The following MEIKIN variants were observed in gnomAD, a reference collection of about 807,000 sequenced individuals.
MEIKIN encodes meiosis-specific kinetochore protein.
intron 4 of MEIKIN, among the ~76,000 whole-genome samples, chr5:131,942,255 C>A (rs1008707656): frequency 6.6e-6 from 1 of 152,208 alleles, no homozygotes; most frequent in Non-Finnish European, 1.5e-5. Context: ...TTACTCAATA[C>A]ATAATGCTCA....
At chr5:131,831,693 G>A (rs1749717905) in intron 11 of MEIKIN, among the ~76,000 whole-genome samples, 1 of 152,158 alleles carries the variant, frequency 6.6e-6, no homozygotes, top group African/African-American at 2.4e-5. Flanking sequence ...ACATACCCGA[G>A]ACTGGGAAGA....
chr5:131,914,600 GGGA>G (rs1751385424), intron 7 of MEIKIN, among the ~76,000 whole-genome samples: 1 of 70,290 alleles, frequency 1.4e-5, no homozygotes, highest in African/African-American at 7.5e-5. Flanking sequence ...GGGAAGGGAA[GGGA>G]AGGGAAGGAA....
At chr5:131,822,605 T>C (rs2149603842) in intron 11 of MEIKIN, among the ~76,000 whole-genome samples, 1 of 152,344 alleles carries the variant, frequency 6.6e-6, no homozygotes, top group Non-Finnish European at 1.5e-5. Context: ...TTTTTAACTT[T>C]TTGTTTTTTC....
At position 131,856,476 on chromosome 5, in the gene MEIKIN, A is replaced by G. The variant is rs113390905; in HGVS notation, c.775-1642T>C. 6.1e-3 allele frequency among the ~76,000 whole-genome samples: 932 copies of G among 152,306 alleles called. 7 individuals are homozygous for G. Among genetic ancestry groups the G allele is most frequent in the African/African-American group, 0.021 (883 of 41,570 alleles). ...CATCTTTTCAAGCAGCCCCCAGCCA[A>G]TGTCTGGGCATAACAGTCCAACACA... On this transcript the variant is annotated intron_variant, in intron 9 of 12. Coordinates refer to ENST00000442687, the MANE Select transcript of MEIKIN (RefSeq NM_001303622.2).
chr5:131,820,687 G>A (rs947902415), intron 11 of MEIKIN, among the ~76,000 whole-genome samples: 19 of 152,016 alleles, frequency 1.2e-4, no homozygotes, highest in Non-Finnish European at 1.3e-4. Flanking sequence ...TTATGGCTTC[G>A]GTCACATTAC....
chr5:131,884,569 CTG>C (rs1750746228), intron 8 of MEIKIN, among the ~76,000 whole-genome samples: 1 of 151,852 alleles, frequency 6.6e-6, no homozygotes, highest in Non-Finnish European at 1.5e-5. Context: ...GGGTGAGACT[CTG>C]AGACTGGCTG....
chr5:131,878,876 TAAA>T (rs34025279), intron 9 of MEIKIN, 99 bp downstream of exon 9: 638 of 313,512 alleles, frequency 2.0e-3, no homozygotes, highest in Non-Finnish European at 2.5e-3. Flanking sequence ...CCCCATTTCT[TAAA>T]AAAAAAAAAA....
At chr5:131,859,833 TG>T in intron 9 of MEIKIN, among the ~76,000 whole-genome samples, 1 of 152,344 alleles carries the variant, frequency 6.6e-6, no homozygotes, top group South Asian at 2.1e-4. Flanking sequence ...TGTATGTTCT[TG>T]ATGGCTTTGT....
rs1750767787 is a variant in MEIKIN, at chr5:131,885,360, AG to A, written c.704-6313del. On this transcript the variant is annotated intron_variant, in intron 8 of 12. Coordinates refer to ENST00000442687, the MANE Select transcript of MEIKIN (RefSeq NM_001303622.2). ...AACTGAAAGAGAGAGAGAGAGAGAG[AG>A]AGAGAGAGAGAGAGAGAGAGAGAGA... Among the ~76,000 whole-genome samples, 8 of 22,666 alleles carry A rather than the reference AG, an allele frequency of 3.5e-4. No homozygotes were observed. In the East Asian group the frequency reaches 7.6e-3, roughly 21 times the overall value. The allele number at this position is 22,666 out of a possible 152,430, so 14.9% of individuals were successfully genotyped here.
In MEIKIN at chr5:131,838,495, G is replaced by T. The variant is rs993175783; in HGVS notation, c.975+12769C>A. 2.0e-5 allele frequency among the ~76,000 whole-genome samples: 3 copies of T among 151,892 alleles called. No individual in the cohort carries two copies. In the East Asian group the frequency reaches 5.8e-4, roughly 29 times the overall value. On this transcript the variant is annotated intron_variant, in intron 11 of 12. Transcript: ENST00000442687. ...ATCCTTCTGGTCCTGGGCTTTTTCT[G>T]GTTGGTAGGCTTATTACTTATTCAG... is the stretch of plus-strand genomic sequence containing the variant.
chr5:131,899,050 C>T (rs993201058), intron 8 of MEIKIN, among the ~76,000 whole-genome samples: 2 of 152,178 alleles, frequency 1.3e-5, no homozygotes, highest in Non-Finnish European at 2.9e-5. Flanking sequence ...TCCTGTTCAG[C>T]CATCTTGGAA....
intron 8 of MEIKIN, among the ~76,000 whole-genome samples, chr5:131,884,185 A>T (rs1161902594): frequency 3.3e-5 from 5 of 152,006 alleles, no homozygotes; most frequent in Admixed American, 6.6e-5. Context: ...GGGAGCGGGG[A>T]TGTGACCTAC....
intron 9 of MEIKIN, among the ~76,000 whole-genome samples, chr5:131,874,012 T>G (rs1463980594): frequency 2.0e-4 from 30 of 152,280 alleles, no homozygotes. Context: ...GAGGGAAATT[T>G]ATAGCACTAA....
chr5:131,881,397 T>A (rs536328094), intron 8 of MEIKIN, among the ~76,000 whole-genome samples: 19 of 151,318 alleles, frequency 1.3e-4, no homozygotes, highest in Admixed American at 6.6e-5. Flanking sequence ...GGTCTCAGGG[T>A]TTTTTTGCCG....
At chr5:131,824,693 A>G (rs1749581106) in intron 11 of MEIKIN, among the ~76,000 whole-genome samples, 1 of 152,206 alleles carries the variant, frequency 6.6e-6, no homozygotes. Context: ...TGCCCAGACT[A>G]TAACAAATAA....
At chr5:131,935,891 GAGT>G (rs1751768275) in intron 4 of MEIKIN, among the ~76,000 whole-genome samples, 2 of 150,766 alleles carry the variant, frequency 1.3e-5, no homozygotes, top group South Asian at 4.2e-4. Flanking sequence ...TCAACTGTCA[GAGT>G]AGTAGGCTTT....
intron 11 of MEIKIN, among the ~76,000 whole-genome samples, chr5:131,819,469 A>C (rs987355569): frequency 7.7e-5 from 1 of 12,960 alleles, no homozygotes; most frequent in Non-Finnish European, 1.5e-4. Context: ...AGGGAGGGGG[A>C]GGGGGGAAAG....
At chr5:131,869,964 T>G (rs1750457307) in intron 9 of MEIKIN, among the ~76,000 whole-genome samples, 1 of 152,254 alleles carries the variant, frequency 6.6e-6, no homozygotes, top group East Asian at 1.9e-4. Context: ...TGGTGACTTT[T>G]CAGTTTTTTC....
intron 8 of MEIKIN, among the ~76,000 whole-genome samples, chr5:131,911,100 C>A (rs941345986): frequency 6.6e-6 from 1 of 152,012 alleles, no homozygotes; most frequent in Non-Finnish European, 1.5e-5. Flanking sequence ...TGTGCTTTTA[C>A]AAGATTAGTT....
Sources: gnomAD v4.1 joint callset for allele counts (sites outside exome capture counted in the v4.1 genomes callset) on GRCh38, gnomAD v4.1.1 for gene constraint, MANE v1.5 for transcripts, NCBI Gene and HGNC (gene_info 2026-07-23, HGNC 2026-07-21) for gene names.